The following GNAL variants were observed in gnomAD, a reference collection of about 807,000 sequenced individuals.
The protein encoded by GNAL is guanine nucleotide-binding protein G(olf) subunit alpha.
A neutral mutation model predicts 55.1 loss-of-function variants in GNAL; 18 were observed. That is an observed-to-expected ratio of 0.33 (90% CI 0.23 to 0.48). The LOEUF is 0.48. GNAL is among the 20% of genes least tolerant of loss of function. The probability of loss-of-function intolerance (pLI) is 0.99; values close to 1 mark genes in which losing one functional copy is unlikely to be tolerated. For missense variants in GNAL, 412 were observed against 614.1 expected (o/e 0.67, Z 3.48); for synonymous variants, 253 against 237.0 (o/e 1.07, Z -0.62).
intron 4 of GNAL, among the ~76,000 whole-genome samples, chr18:11,797,352 T>C (rs1275511852): frequency 1.3e-5 from 2 of 152,248 alleles, no homozygotes; most frequent in Non-Finnish European, 2.9e-5. Context: ...GTTTATAGGA[T>C]ACCAATTTTT....
chr18:11,730,838 A>G (rs540584892), intron 1 of GNAL, among the ~76,000 whole-genome samples: 1 of 152,188 alleles, frequency 6.6e-6, no homozygotes, highest in African/African-American at 2.4e-5. Flanking sequence ...GGGGTCGGCT[A>G]TCTGTCATGT....
At position 11,693,081 on chromosome 18, in the gene GNAL, C is replaced by A. The variant is rs573118187; in HGVS notation, c.376+3142C>A. 2.4e-3 allele frequency among the ~76,000 whole-genome samples: 369 copies of A among 151,676 alleles called. 3 individuals carry two copies. Among genetic ancestry groups the A allele is most frequent in the African/African-American group, 8.5e-3 (353 of 41,334 alleles). On this transcript the variant is annotated intron_variant, in intron 1 of 11. Coordinates refer to ENST00000334049, the MANE Select transcript of GNAL (RefSeq NM_182978.4). ...AAGAAACTGACAAAAAAAAATAAGA[C>A]AAATAGGATCAGGAGTTGTGACAAT...
intron 5 of GNAL, among the ~76,000 whole-genome samples, chr18:11,842,149 TG>T (rs1370266828): frequency 1.5e-4 from 23 of 151,818 alleles, no homozygotes; most frequent in African/African-American, 4.6e-4. Context: ...ATTTTGTATA[TG>T]TTTTTTTTTT....
intron 1 of GNAL, among the ~76,000 whole-genome samples, chr18:11,732,264 A>G (rs921020507): frequency 1.3e-5 from 2 of 152,218 alleles, no homozygotes; most frequent in East Asian, 3.8e-4. Context: ...CAGTTTTCCA[A>G]TGTGGCTGCA....
At chr18:11,774,492 C>T (rs1186859581) in intron 4 of GNAL, among the ~76,000 whole-genome samples, 1 of 152,192 alleles carries the variant, frequency 6.6e-6, no homozygotes, top group Non-Finnish European at 1.5e-5. Context: ...GATAAATTGG[C>T]TTGATACCAA....
intron 11 of GNAL, among the ~76,000 whole-genome samples, chr18:11,879,594 C>T (rs556246796): frequency 4.9e-4 from 75 of 152,308 alleles, no homozygotes; most frequent in Admixed American, 1.4e-3. Flanking sequence ...CCTCATTTTA[C>T]CGTAATTGCC....
intron 4 of GNAL, among the ~76,000 whole-genome samples, chr18:11,754,375 C>G (rs1455492197): frequency 1.3e-5 from 2 of 151,826 alleles, no homozygotes; most frequent in East Asian, 3.9e-4. Flanking sequence ...CGAGATCACG[C>G]CACTGCACTC....
chr18:11,768,209 C>A (rs953168497), intron 4 of GNAL, among the ~76,000 whole-genome samples: 3 of 152,200 alleles, frequency 2.0e-5, no homozygotes, highest in Non-Finnish European at 4.4e-5. Context: ...TATTTATCAA[C>A]ACCGTACTCA....
intron 1 of GNAL, among the ~76,000 whole-genome samples, chr18:11,748,086 C>T (rs764785231): frequency 6.6e-5 from 10 of 152,180 alleles, no homozygotes; most frequent in Non-Finnish European, 1.3e-4. Context: ...AAATGAGAAT[C>T]GGTTTCCCAG....
rs968800919 is a variant in GNAL at position 11,884,997 on chromosome 18, G to C, written c.*3862G>C. The C allele has an allele frequency of 8.4e-6, 11 of 1,302,002 alleles. No homozygotes were observed. Among genetic ancestry groups the C allele is most frequent in the Non-Finnish European group, 1.1e-5 (11 of 997,920 alleles). The allele number at this position is 1,302,002 out of a possible 1,614,324, so 80.7% of individuals were successfully genotyped here. ...TCATCGGTCAGCGAGGAACAAGGAG[G>C]GAAAGGTGTCTTCCTGCCCCTTGAT... is the stretch of plus-strand genomic sequence containing the variant. On this transcript the variant is annotated 3_prime_UTR_variant, in exon 12 of 12. Coordinates refer to ENST00000334049, the MANE Select transcript of GNAL (RefSeq NM_182978.4).
At chr18:11,797,175 AC>A (rs969750551) in intron 4 of GNAL, among the ~76,000 whole-genome samples, 145 of 151,692 alleles carry the variant, frequency 9.6e-4, no homozygotes, top group African/African-American at 3.5e-3. Flanking sequence ...CAGGTGATCC[AC>A]CCCCCTTGGC....
At position 11,885,402 on chromosome 18, in the gene GNAL, G is replaced by A. The variant is rs2037053584; in HGVS notation, c.*4267G>A. ...TTAGAAAATTAAACACACACAGAGT[G>A]TAAGAGGAGAGGATACGGCCCTCCC... On this transcript the variant is annotated 3_prime_UTR_variant, in exon 12 of 12. Transcript: ENST00000334049. 3.0e-5 allele frequency: 14 copies of A among 462,678 alleles called. No homozygotes were observed. In the South Asian group the frequency reaches 3.6e-4, roughly 12 times the overall value. The allele number at this position is 462,678 out of a possible 1,614,324, so 28.7% of individuals were successfully genotyped here. A position where few individuals can be genotyped will look rare whatever the true frequency, so the allele number is the denominator to read the frequency against.
At chr18:11,839,102 A>T (rs1040412666) in intron 5 of GNAL, among the ~76,000 whole-genome samples, 2 of 152,248 alleles carry the variant, frequency 1.3e-5, no homozygotes, top group South Asian at 2.1e-4. Context: ...GCTAACTGAC[A>T]TGAAATTATT....
intron 4 of GNAL, among the ~76,000 whole-genome samples, chr18:11,799,750 T>C (rs1030097744): frequency 6.6e-5 from 10 of 152,192 alleles, no homozygotes; most frequent in African/African-American, 2.4e-4. Flanking sequence ...CCTGTACTAC[T>C]TTTGCATATA....
chr18:11,822,808 CTTTTTT>C lies in GNAL; in HGVS notation c.625-2104_625-2099del, dbSNP rs56387710. On this transcript the variant is annotated intron_variant, in intron 4 of 11. Transcript: ENST00000334049. ...CAGGGCCTGGAGCAATATTGTTTTTCTTTTTTTTTTTCTTTTTTTTTTTTTTTTTTT... is the reference window on the plus strand; with the variant it reads ...CAGGGCCTGGAGCAATATTGTTTTTCTTTTTCTTTTTTTTTTTTTTTTTTT... Among the ~76,000 whole-genome samples the C allele has an allele frequency of 2.1e-5, 3 of 139,948 alleles. No homozygotes were observed. In the East Asian group the frequency reaches 6.4e-4, roughly 30 times the overall value. 91.8% of individuals were successfully genotyped at this position (139,948 alleles called of 152,430 possible).
chr18:11,848,715 C>A (rs763124265), intron 5 of GNAL, among the ~76,000 whole-genome samples: 1 of 152,058 alleles, frequency 6.6e-6, no homozygotes, highest in African/African-American at 2.4e-5. Flanking sequence ...CCTCAGCCCC[C>A]CAAAGTGCTA....
intron 5 of GNAL, among the ~76,000 whole-genome samples, chr18:11,826,521 C>T (rs555999818): frequency 2.0e-3 from 299 of 152,312 alleles, no homozygotes; most frequent in African/African-American, 6.9e-3. Context: ...AACCAGCCAT[C>T]CCAGCCATAG....
chr18:11,764,014 G>T (rs899857573), intron 4 of GNAL, among the ~76,000 whole-genome samples: 3 of 152,206 alleles, frequency 2.0e-5, no homozygotes, highest in African/African-American at 7.2e-5. Context: ...TTAAGGTGGG[G>T]TCTGCTTCTA....
chr18:11,699,472 C>T (rs990448606), intron 1 of GNAL, among the ~76,000 whole-genome samples: 1 of 151,966 alleles, frequency 6.6e-6, no homozygotes, highest in Non-Finnish European at 1.5e-5. Context: ...GCCTCAGCCT[C>T]CTAAAGTTCT....
Sources: gnomAD v4.1 joint callset for allele counts (sites outside exome capture counted in the v4.1 genomes callset) on GRCh38, gnomAD v4.1.1 for gene constraint, MANE v1.5 for transcripts, NCBI Gene and HGNC (gene_info 2026-07-23, HGNC 2026-07-21) for gene names.